The following LIMK1 variants were observed in gnomAD, a reference collection of about 807,000 sequenced individuals.
LIMK1 encodes LIM domain kinase 1.
Under a neutral mutation model 77.6 loss-of-function variants are expected in LIMK1, and 21 were observed. The observed-to-expected ratio is 0.27, with a 90% CI of 0.19 to 0.39. LIMK1 has a LOEUF of 0.39. Ranked by LOEUF, LIMK1 falls within the 10% of genes least tolerant of loss-of-function variation. The pLI, the probability that LIMK1 is intolerant of heterozygous loss-of-function variation, is 1.00. For synonymous variants in LIMK1, 358 were observed against 370.0 expected, an observed-to-expected ratio of 0.97 and a Z score of 0.37; for missense variants, 696 against 901.6, an observed-to-expected ratio of 0.77 and a Z score of 2.92.
chr7:74,105,953 G>A lies in LIMK1; in HGVS notation c.687G>A (p.Thr229=), dbSNP rs372553126. Residue 229 remains threonine, a synonymous_variant, in exon 6 of 16, where the codon ACG becomes ACA. Coordinates refer to ENST00000336180, the MANE Select transcript of LIMK1 (RefSeq NM_002314.4). The part of the protein sequence containing the change: ...VGDRILEING[T]PIRNVPLDEI... ...ACCGGATCTTGGAAATCAATGGCAC[G>A]CCCATCCGAAATGTGCCCCTGGACG... 220 of 1,613,934 alleles carry A rather than the reference G, an allele frequency of 1.4e-4. No homozygotes were observed. The highest frequency in any genetic ancestry group is 2.4e-4 in the African/African-American group (18 of 74,912).
At position 74,097,071 on chromosome 7, in the gene LIMK1, C is replaced by G. The variant is rs563888852; in HGVS notation, c.292-9C>G. 1 of 1,605,288 alleles carries G rather than the reference C, an allele frequency of 6.2e-7. No individual in the cohort carries two copies. The highest frequency in any genetic ancestry group is 1.7e-5 in the Admixed American group (1 of 59,648). On this transcript the variant is annotated splice_polypyrimidine_tract_variant and intron_variant, in intron 3 of 15. Transcript: ENST00000336180. ...GAGCTGGGCTGTTCCCTCCTCACCC[C>G]CGCACCAGGTGGCTGGGGAGCTGAA...
intron 7 of LIMK1, 128 bp downstream of exon 7, chr7:74,106,371 G>T: frequency 1.0e-6 from 1 of 973,324 alleles, no homozygotes; most frequent in South Asian, 1.6e-5. Context: ...GGAGGTGGAG[G>T]CTGCAGTAAG....
chr7:74,117,609 C>A (rs1799841856), intron 13 of LIMK1, among the ~76,000 whole-genome samples: 1 of 152,056 alleles, frequency 6.6e-6, no homozygotes, highest in Admixed American at 6.6e-5. Context: ...AGGTTCAGGG[C>A]AGGCAGACCC....
rs543077851 is a variant in LIMK1 at position 74,087,264 on chromosome 7, C to T, written c.152+1420C>T. On this transcript the variant is annotated intron_variant, in intron 2 of 15. Coordinates refer to ENST00000336180, the MANE Select transcript of LIMK1 (RefSeq NM_002314.4). ...CTGAAAATACAAAAAATTAGCCGGG[C>T]GTGGTGGCGCATGCCTGTAGTCCCA... 2.5e-4 allele frequency among the ~76,000 whole-genome samples: 38 copies of T among 152,174 alleles called. No individual in the cohort carries two copies. The South Asian group carries it at 5.4e-3, about 22-fold the overall frequency.
chr7:74,093,099 G>GGCTGCAGCCTCCTCCTGTGC (rs1799268901), intron 2 of LIMK1: 2 of 1,399,696 alleles, frequency 1.4e-6, no homozygotes, highest in Middle Eastern at 2.5e-4. Flanking sequence ...GCACCCACGC[G>GGCTGCAGCCTCCTCCTGTGC]GCTGCAGCCT....
chr7:74,116,133 C>T (rs1799803271), intron 13 of LIMK1, among the ~76,000 whole-genome samples, 175 bp downstream of exon 13: 1 of 152,228 alleles, frequency 6.6e-6, no homozygotes, highest in African/African-American at 2.4e-5. Flanking sequence ...GTGGCTCACG[C>T]CTGTAATCCC....
chr7:74,107,299 AC>A, intron 8 of LIMK1, 106 bp downstream of exon 8: 3 of 1,249,822 alleles, frequency 2.4e-6, no homozygotes, highest in Non-Finnish European at 3.2e-6. Context: ...TGGCTTCCAG[AC>A]TCCCTGGCCA....
In LIMK1 at chr7:74,111,916, C is replaced by T. The variant is rs782187780; in HGVS notation, c.1345-17C>T. 2.5e-5 allele frequency: 40 copies of T among 1,610,084 alleles called. No individual in the cohort carries two copies. Among genetic ancestry groups the T allele is most frequent in the Non-Finnish European group, 3.1e-5 (37 of 1,177,472 alleles). On this transcript the variant is annotated splice_polypyrimidine_tract_variant and intron_variant, in intron 11 of 15. Coordinates refer to ENST00000336180, the MANE Select transcript of LIMK1 (RefSeq NM_002314.4). ...CTCTGCACAGCTGCCCCCTGACTCC[C>T]GTGTCCCCGTCCCTAGGCCTACCTC...
chr7:74,109,258 C>G (rs1370561678), intron 10 of LIMK1: 9 of 496,106 alleles, frequency 1.8e-5, no homozygotes, highest in Admixed American at 3.0e-5. Context: ...ACTTTGGGAG[C>G]CCAAGGCAAG....
At position 74,120,620 on chromosome 7, in the gene LIMK1, T is replaced by C. The variant is rs782036841; in HGVS notation, c.1605T>C (p.Phe535=). The stretch of plus-strand genomic sequence containing the variant: ...ATGAGAAGGTGGATGTGTTCTCCTT[T>C]GGGATCGTCCTGTGCGAGGTAGGTC... The part of the protein sequence containing the change: ...SYDEKVDVFS[F]GIVLCEIIGR... Residue 535 remains phenylalanine, a synonymous_variant, in exon 14 of 16, where the codon TTT becomes TTC. Coordinates refer to ENST00000336180, the MANE Select transcript of LIMK1 (RefSeq NM_002314.4). 1.4e-5 allele frequency: 23 copies of C among 1,614,124 alleles called. No individual in the cohort carries two copies. Among genetic ancestry groups the C allele is most frequent in the South Asian group, 2.2e-5 (2 of 91,094 alleles).
At chr7:74,093,927 G>A (rs1563913267) in intron 2 of LIMK1, 1 of 152,614 alleles carries the variant, frequency 6.6e-6, no homozygotes, top group African/African-American at 2.4e-5. Context: ...CGGGGCAGGG[G>A]CAGGGACAGG....
intron 1 of LIMK1, among the ~76,000 whole-genome samples, chr7:74,084,531 G>A (rs891992958): frequency 5.9e-5 from 9 of 152,254 alleles, no homozygotes; most frequent in Non-Finnish European, 1.2e-4. Context: ...AAACTGGGTA[G>A]TTGCCCCCCC....
intron 11 of LIMK1, 76 bp from the exon 12 acceptor site, chr7:74,111,857 G>A: frequency 6.8e-7 from 1 of 1,466,374 alleles, no homozygotes; most frequent in South Asian, 1.1e-5. Flanking sequence ...GGGAGCAGAG[G>A]GAGTTCCTGG....
intron 5 of LIMK1, among the ~76,000 whole-genome samples, chr7:74,105,060 A>G (rs1247272374): frequency 2.0e-5 from 3 of 152,218 alleles, no homozygotes; most frequent in South Asian, 2.1e-4. Context: ...GGTTCAAGCA[A>G]TTCCTGCCTC....
At position 74,084,183 on chromosome 7, in the gene LIMK1, G is replaced by A. The variant is rs1439828155; in HGVS notation, c.55+138G>A. On this transcript the variant is annotated intron_variant, in intron 1 of 15. Transcript: ENST00000336180. The stretch of plus-strand genomic sequence containing the variant: ...TGAGCTCGTCCTTACGAAGCCCGCA[G>A]GCCCCTCCCTGTCCCCCTCCCGCCC... The A allele has an allele frequency of 1.2e-5, 4 of 340,468 alleles. No homozygotes were observed. The Admixed American group carries it at 2.0e-4, about 17-fold the overall frequency. 21.1% of individuals were successfully genotyped at this position (340,468 alleles called of 1,614,324 possible). A position where few individuals can be genotyped will look rare whatever the true frequency, so the allele number is the denominator to read the frequency against.
rs781921638 is a variant in LIMK1, at chr7:74,120,533, C to A, written c.1568-50C>A. 5 of 1,602,534 alleles carry A rather than the reference C, an allele frequency of 3.1e-6. No individual in the cohort carries two copies. The South Asian group carries it at 5.5e-5, about 18-fold the overall frequency. ...GGCCTGGTCCCCTGCCTTTTGGCAT[C>A]CCTGGCACCCCCATGTGTTCATCTG... On this transcript the variant is annotated intron_variant, in intron 13 of 15. Transcript: ENST00000336180.
rs549462607 is a variant in LIMK1, at chr7:74,092,210, T to C, written c.153-4412T>C. Among the ~76,000 whole-genome samples the C allele has an allele frequency of 1.7e-3, 260 of 152,126 alleles. 2 individuals are homozygous for C. The highest frequency in any genetic ancestry group is 3.0e-3 in the Non-Finnish European group (204 of 67,994). ...CAAACTCCTGACCTCAAGCGATCTG[T>C]CTACCTCAGCCTCCCAAAGTGCTGG... On this transcript the variant is annotated intron_variant, in intron 2 of 15. Transcript: ENST00000336180.
intron 5 of LIMK1, among the ~76,000 whole-genome samples, chr7:74,102,548 A>G (rs547916068): frequency 1.6e-5 from 2 of 123,822 alleles, no homozygotes; most frequent in South Asian, 5.4e-4. Context: ...CAGTGATGCG[A>G]TCACAGCTCA....
intron 5 of LIMK1, among the ~76,000 whole-genome samples, chr7:74,102,046 A>G (rs919316622): frequency 2.0e-5 from 3 of 151,606 alleles, no homozygotes; most frequent in African/African-American, 7.3e-5. Flanking sequence ...CTAGTCTTGA[A>G]CTCCTGGGCT....
Sources: allele counts gnomAD v4.1 joint callset (sites outside exome capture counted in the v4.1 genomes callset), GRCh38; gene constraint gnomAD v4.1.1; transcripts MANE v1.5; gene names NCBI Gene and HGNC (gene_info 2026-07-23, HGNC 2026-07-21).